Variants in MYO16 observed in about 807,000 individuals in gnomAD.
MYO16 encodes the protein unconventional myosin-XVI.
A neutral mutation model predicts 205.3 loss-of-function variants in MYO16; 94 were observed. The observed-to-expected ratio is 0.46, with a 90% CI of 0.39 to 0.54. The LOEUF (loss-of-function observed/expected upper bound fraction) is 0.54, where lower values mean the gene tolerates loss of function less well. Ranked by LOEUF, MYO16 falls within the 20% of genes least tolerant of loss-of-function variation. The probability of loss-of-function intolerance (pLI) is 0.00; values close to 1 mark genes in which losing one functional copy is unlikely to be tolerated. For synonymous variants in MYO16, 988 were observed against 954.0 expected, an observed-to-expected ratio of 1.04 and a Z score of -0.66; for missense variants, 2,315 against 2,387.5, an observed-to-expected ratio of 0.97 and a Z score of 0.63.
intron 13 of MYO16, among the ~76,000 whole-genome samples, chr13:108,885,280 C>T (rs560067806): frequency 1.4e-4 from 22 of 152,304 alleles, no homozygotes; most frequent in African/African-American, 4.3e-4. Flanking sequence ...CCACCACGCC[C>T]GGCTAATTTT....
chr13:109,087,629 A>G (rs1888476389), intron 27 of MYO16, among the ~76,000 whole-genome samples: 2 of 152,080 alleles, frequency 1.3e-5, no homozygotes, highest in Admixed American at 1.3e-4. Context: ...CTGGGTGACA[A>G]AAGTGTGGTC....
chr13:108,881,109 G>A (rs1421980124), intron 12 of MYO16, among the ~76,000 whole-genome samples: 1 of 152,156 alleles, frequency 6.6e-6, no homozygotes, highest in Non-Finnish European at 1.5e-5. Flanking sequence ...GAAGGATCAG[G>A]CAGCAACATT....
At chr13:109,005,046 A>G (rs777656592) in intron 21 of MYO16, among the ~76,000 whole-genome samples, 3 of 152,228 alleles carry the variant, frequency 2.0e-5, no homozygotes, top group Non-Finnish European at 4.4e-5. Context: ...TAGTTGTCAG[A>G]AGACAGAGAG....
At chr13:108,841,886 C>A (rs1427772590) in intron 9 of MYO16, among the ~76,000 whole-genome samples, 4 of 152,162 alleles carry the variant, frequency 2.6e-5, no homozygotes, top group Non-Finnish European at 5.9e-5. Context: ...GACACATAGA[C>A]CATTGGAACA....
At chr13:109,031,496 G>A (rs561137174) in intron 23 of MYO16, among the ~76,000 whole-genome samples, 2 of 152,190 alleles carry the variant, frequency 1.3e-5, no homozygotes, top group African/African-American at 4.8e-5. Flanking sequence ...TAAACTATTG[G>A]CACTGATGGA....
chr13:108,927,839 C>A (rs1409312799), intron 16 of MYO16, among the ~76,000 whole-genome samples: 1 of 152,220 alleles, frequency 6.6e-6, no homozygotes, highest in Non-Finnish European at 1.5e-5. Flanking sequence ...GCAGAGAGAT[C>A]TGCACTCCGG....
chr13:108,888,052 G>C lies in MYO16; in HGVS notation c.1554-320G>C, dbSNP rs537112181. ...TTTCTGGCATAATTCACCTACACTA[G>C]GTGGTTCTACCCTGTGAGATACTGA... On this transcript the variant is annotated intron_variant, in intron 13 of 34. Transcript: ENST00000457511. Among the ~76,000 whole-genome samples, 3 of 152,162 alleles carry C rather than the reference G, an allele frequency of 2.0e-5. No individual in the cohort carries two copies. In the South Asian group the frequency reaches 6.2e-4, roughly 32 times the overall value.
At chr13:108,627,980 A>G (rs544030776), upstream of MYO16, among the ~76,000 whole-genome samples, 58 of 152,240 alleles carry the variant, frequency 3.8e-4, no homozygotes, top group African/African-American at 1.3e-3. Flanking sequence ...AAGATACATT[A>G]GATAACATTC....
intron 28 of MYO16, among the ~76,000 whole-genome samples, chr13:109,114,371 G>T (rs552510055): frequency 1.8e-4 from 27 of 152,278 alleles, no homozygotes; most frequent in African/African-American, 6.5e-4. Context: ...GACTTTATAG[G>T]ATCAAGGGTG....
chr13:109,174,316 C>T (rs1879065151), intron 33 of MYO16, among the ~76,000 whole-genome samples: 1 of 152,012 alleles, frequency 6.6e-6, no homozygotes, highest in Admixed American at 6.6e-5. Flanking sequence ...GAGTTTAGGC[C>T]AGGGTTCCAG....
intron 9 of MYO16, among the ~76,000 whole-genome samples, chr13:108,826,302 C>T (rs1876261992): frequency 6.6e-6 from 1 of 151,990 alleles, no homozygotes; most frequent in South Asian, 2.1e-4. Context: ...GCAAAGAATG[C>T]CAAGATGATT....
chr13:108,806,974 T>C (rs758844867), intron 7 of MYO16, among the ~76,000 whole-genome samples, 170 bp downstream of exon 7: 5 of 152,234 alleles, frequency 3.3e-5, no homozygotes, highest in Non-Finnish European at 4.4e-5. Context: ...AAAATGCTTA[T>C]ACAAGAGCAC....
chr13:108,785,602 T>C, intron 4 of MYO16, 33 bp from the exon 5 acceptor site: 4 of 1,314,972 alleles, frequency 3.0e-6, no homozygotes, highest in Non-Finnish European at 4.2e-6. Context: ...TTAAACAGTA[T>C]ATATGATGTT....
intron 10 of MYO16, among the ~76,000 whole-genome samples, chr13:108,846,883 T>C (rs1225133545): frequency 6.6e-6 from 1 of 152,174 alleles, no homozygotes; most frequent in East Asian, 1.9e-4. Flanking sequence ...TGAATGCAAT[T>C]ATTGATATGG....
rs79542383 is a variant in MYO16 at position 108,886,659 on chromosome 13, A to G, written c.1554-1713A>G. Among the ~76,000 whole-genome samples the G allele has an allele frequency of 5.3e-5, 8 of 151,530 alleles. No homozygotes were observed. The East Asian group carries it at 9.8e-4, about 19-fold the overall frequency. The stretch of plus-strand genomic sequence containing the variant: ...CATATTGATTGATTTCCCTTGCTGC[A>G]CGTGTGCTAAGGAACGGACTCTTCC... On this transcript the variant is annotated intron_variant, in intron 13 of 34. Coordinates refer to ENST00000457511, the MANE Select transcript of MYO16 (RefSeq NM_001198950.3).
chr13:108,751,004 G>T (rs947402672), intron 4 of MYO16, among the ~76,000 whole-genome samples: 2 of 151,954 alleles, frequency 1.3e-5, no homozygotes, highest in Admixed American at 6.6e-5. Flanking sequence ...GCTTAATAGG[G>T]TTACAGATGC....
intron 23 of MYO16, among the ~76,000 whole-genome samples, chr13:109,041,869 T>A (rs1286166578): frequency 6.6e-6 from 1 of 151,898 alleles, no homozygotes. Flanking sequence ...GCCTTTTTTT[T>A]TTTTTTTCCG....
Position 109,140,993 on chromosome 13 carries a change from C to A in MYO16, c.4781C>A (p.Thr1594Lys). Residue 1594 changes from threonine to lysine, a missense_variant, in exon 32 of 35, where the codon ACG becomes AAG. This residue lies in a region of MYO16 where 1,097 missense variants were observed against 1,092.0 expected (regional missense o/e 1.00). Transcript: ENST00000457511. This position sits in a 1 kb window ranked among gnomAD's most constrained non-coding sequence, Gnocchi z 8.0. ...NGSGRASPPS[T>K]PPPPPPPPGP... is the part of the protein sequence containing the mutation. Reference sequence around the variant, plus strand: ...TCCGGCCGAGCCTCCCCGCCGTCCACGCCGCCCCCGCCCCCGCCCCCGCCC... The same window carrying A: ...TCCGGCCGAGCCTCCCCGCCGTCCAAGCCGCCCCCGCCCCCGCCCCCGCCC... The A allele has an allele frequency of 1.5e-6, 2 of 1,343,208 alleles. No individual in the cohort carries two copies. Among genetic ancestry groups the A allele is most frequent in the African/African-American group, 1.5e-5 (1 of 65,148 alleles). 83.2% of individuals were successfully genotyped at this position (1,343,208 alleles called of 1,614,324 possible). A position where few individuals can be genotyped will look rare whatever the true frequency, so the allele number is the denominator to read the frequency against.
chr13:108,695,706 A>T (rs2139505980), intron 2 of MYO16, among the ~76,000 whole-genome samples: 1 of 152,324 alleles, frequency 6.6e-6, no homozygotes, highest in South Asian at 2.1e-4. Context: ...CATTATTTTA[A>T]CAGTAATATA....
Sources: allele counts gnomAD v4.1 joint callset (sites outside exome capture counted in the v4.1 genomes callset), GRCh38; gene constraint gnomAD v4.1.1; regional missense constraint gnomAD v4.1.1; non-coding constraint Gnocchi (gnomAD v3.1); transcripts MANE v1.5; gene names NCBI Gene and HGNC (gene_info 2026-07-23, HGNC 2026-07-21).